The following MDGA2 variants were observed in gnomAD, a reference collection of about 807,000 sequenced individuals.
The protein encoded by MDGA2 is MAM domain containing glycosylphosphatidylinositol anchor 2.
In MDGA2, 40 loss-of-function variants were observed where a neutral mutation model predicts 117.8. The ratio of observed to expected loss-of-function variants is 0.34; its 90% confidence interval spans 0.26 to 0.44. The LOEUF is 0.44. MDGA2 is among the 20% of genes least tolerant of loss of function. The probability of loss-of-function intolerance (pLI) is 1.00; values close to 1 mark genes in which losing one functional copy is unlikely to be tolerated. For missense variants in MDGA2, 1,123 were observed against 1,250.6 expected (o/e 0.90, Z 1.54); for synonymous variants, 452 against 439.0 (o/e 1.03, Z -0.37).
rs760261012 is a variant in MDGA2, at chr14:46,874,240, A to G, written c.2438-40T>C. ...TAATTAAATTAATATTAATTAAATT[A>G]ATACACATACTGCAATATTTTCATA... On this transcript the variant is annotated intron_variant, in intron 12 of 16. Coordinates refer to ENST00000399232, the MANE Select transcript of MDGA2 (RefSeq NM_001113498.3). 2.1e-5 allele frequency: 21 copies of G among 1,001,330 alleles called. No individual in the cohort carries two copies. In the Admixed American group the frequency reaches 7.9e-4, roughly 38 times the overall value. 62.0% of individuals were successfully genotyped at this position (1,001,330 alleles called of 1,614,324 possible).
At chr14:46,864,169 G>A (rs1010830709) in intron 14 of MDGA2, among the ~76,000 whole-genome samples, 1 of 150,592 alleles carries the variant, frequency 6.6e-6, no homozygotes, top group Non-Finnish European at 1.5e-5. Flanking sequence ...GGAGATTGGA[G>A]AAAGGGACAG....
intron 4 of MDGA2, among the ~76,000 whole-genome samples, chr14:47,139,681 T>C (rs1055802543): frequency 6.6e-6 from 1 of 150,700 alleles, no homozygotes; most frequent in Non-Finnish European, 1.5e-5. Flanking sequence ...CATTATAGAG[T>C]ACACATGGCA....
chr14:47,071,217 C>T (rs533861094), intron 6 of MDGA2, among the ~76,000 whole-genome samples: 1 of 152,192 alleles, frequency 6.6e-6, no homozygotes, highest in Admixed American at 6.5e-5. Flanking sequence ...CATGTAAGTA[C>T]GAGAGTATTT....
chr14:47,355,662 T>A (rs77554545), intron 1 of MDGA2, among the ~76,000 whole-genome samples: 6,259 of 152,036 alleles, frequency 0.041, 302 homozygotes, highest in East Asian at 0.15. Context: ...GGACTTCCTC[T>A]GCTCCATAAA....
intron 2 of MDGA2, among the ~76,000 whole-genome samples, chr14:47,255,935 A>T (rs1478565876): frequency 1.3e-5 from 2 of 151,870 alleles, no homozygotes; most frequent in African/African-American, 2.4e-5. Context: ...CCATCTTTTG[A>T]GACTTTTACA....
intron 6 of MDGA2, among the ~76,000 whole-genome samples, chr14:47,095,603 G>C (rs957075074): frequency 9.2e-5 from 14 of 151,448 alleles, no homozygotes; most frequent in African/African-American, 3.4e-4. Flanking sequence ...ATTTTGTTTT[G>C]ATATATAAAA....
intron 1 of MDGA2, among the ~76,000 whole-genome samples, chr14:47,381,794 A>G (rs1280675365): frequency 6.6e-6 from 1 of 152,198 alleles, no homozygotes; most frequent in Admixed American, 6.5e-5. Context: ...GCCCAAGGTA[A>G]TTTATAGATT....
intron 3 of MDGA2, among the ~76,000 whole-genome samples, chr14:47,180,890 C>T (rs1320145979): frequency 3.3e-5 from 5 of 152,112 alleles, no homozygotes; most frequent in African/African-American, 1.2e-4. Context: ...CACTGCACTC[C>T]AGCTTGGGCG....
intron 6 of MDGA2, among the ~76,000 whole-genome samples, chr14:47,095,649 T>C (rs4900725): frequency 0.16 from 23,885 of 151,934 alleles, 2,059 homozygotes; most frequent in African/African-American, 0.19. Flanking sequence ...TATGTACATA[T>C]AATAAATATT....
chr14:46,999,414 C>G (rs914042099), intron 8 of MDGA2, among the ~76,000 whole-genome samples: 1 of 151,962 alleles, frequency 6.6e-6, no homozygotes, highest in African/African-American at 2.4e-5. Flanking sequence ...AAACTAGATT[C>G]ATCATTACTA....
intron 9 of MDGA2, among the ~76,000 whole-genome samples, chr14:46,951,953 T>C (rs1455087122): frequency 6.6e-6 from 1 of 151,944 alleles, no homozygotes; most frequent in Non-Finnish European, 1.5e-5. Context: ...ATATCTTGAG[T>C]CAATAATTAA....
chr14:47,131,788 C>G lies in MDGA2; in HGVS notation c.851G>C (p.Ser284Thr), dbSNP rs1306884699. 4 of 1,596,708 alleles carry G rather than the reference C, an allele frequency of 2.5e-6. No individual in the cohort carries two copies. The highest frequency in any genetic ancestry group is 3.4e-6 in the Non-Finnish European group (4 of 1,167,262). The part of the protein sequence containing the change: ...NLRPQDYANY[S>T]CIASVRNVCN... ...TACATTCCTCACTGAAGCAATGCAG[C>G]TATAATTAGCATAGTCCTGAGGTCG... The change falls in exon 5 of 17, where the codon AGC becomes ACC. Residue 284 changes from serine to threonine, a missense_variant. Ser to Thr is a moderately conservative substitution (Grantham distance 58). This residue lies in a region of MDGA2 where 890 missense variants were observed against 1,050.3 expected (regional missense o/e 0.85). Coordinates refer to ENST00000399232, the MANE Select transcript of MDGA2 (RefSeq NM_001113498.3).
At chr14:47,584,413 A>G (rs1896285052) in intron 1 of MDGA2, among the ~76,000 whole-genome samples, 1 of 151,860 alleles carries the variant, frequency 6.6e-6, no homozygotes, top group Non-Finnish European at 1.5e-5. Context: ...GACTGATTAT[A>G]TTTTGTTATG....
intron 1 of MDGA2, among the ~76,000 whole-genome samples, chr14:47,442,633 A>T (rs1354878110): frequency 6.6e-6 from 1 of 152,120 alleles, no homozygotes. Context: ...AAAGGCATTA[A>T]ATAGTGAGGC....
intron 1 of MDGA2, among the ~76,000 whole-genome samples, chr14:47,523,654 C>G (rs1594898839): frequency 6.6e-6 from 1 of 152,168 alleles, no homozygotes; most frequent in Non-Finnish European, 1.5e-5. Flanking sequence ...GCACTTTGCT[C>G]TAATCCCCAG....
intron 1 of MDGA2, among the ~76,000 whole-genome samples, chr14:47,455,864 G>A (rs1297170742): frequency 6.6e-6 from 1 of 152,036 alleles, no homozygotes; most frequent in African/African-American, 2.4e-5. Flanking sequence ...AGGTATAGTG[G>A]TGGGTGCCTG....
At chr14:46,989,324 A>T (rs1219920170) in intron 8 of MDGA2, among the ~76,000 whole-genome samples, 1 of 144,996 alleles carries the variant, frequency 6.9e-6, no homozygotes, top group Non-Finnish European at 1.5e-5. Context: ...CTGCACTGGA[A>T]AAAAAAAAGG....
intron 1 of MDGA2, among the ~76,000 whole-genome samples, chr14:47,508,381 C>CTCTCTCTCTCTCTT (rs1491516597): frequency 7.5e-6 from 1 of 132,824 alleles, no homozygotes; most frequent in Non-Finnish European, 1.7e-5. Context: ...CTCTCTCTCT[C>CTCTCTCTCTCTCTT]TGTATATATA....
chr14:47,553,995 T>C (rs1252192043), intron 1 of MDGA2, among the ~76,000 whole-genome samples: 1 of 152,202 alleles, frequency 6.6e-6, no homozygotes, highest in African/African-American at 2.4e-5. Context: ...TAATCCTTCC[T>C]CCTTTCCCCG....
Sources: gnomAD v4.1 joint callset for allele counts (sites outside exome capture counted in the v4.1 genomes callset) on GRCh38, gnomAD v4.1.1 for gene constraint, gnomAD v4.1.1 regional missense constraint, MANE v1.5 for transcripts, NCBI Gene and HGNC (gene_info 2026-07-23, HGNC 2026-07-21) for gene names.